Variants in PSMA7 observed in about 807,000 individuals in gnomAD.
PSMA7 encodes proteasome subunit alpha type-7.
A neutral mutation model predicts 31.3 loss-of-function variants in PSMA7; 5 were observed. The ratio of observed to expected loss-of-function variants is 0.16; its 90% CI spans 0.08 to 0.34. PSMA7 has a LOEUF of 0.34. Among genes scored for constraint, PSMA7 ranks in the 10% least tolerant of loss-of-function variants. PSMA7 has a pLI of 1.00. For synonymous variants in PSMA7, 155 were observed against 121.9 expected (o/e 1.27, Z -1.79); for missense variants, 217 against 327.5 (o/e 0.66, Z 2.60).
At position 62,136,793 on chromosome 20, in the gene PSMA7, A is replaced by C. The variant is rs577614007; in HGVS notation, c.*64T>G. 6.5e-7 allele frequency: 1 copy of C among 1,545,646 alleles called. No homozygotes were observed. Among genetic ancestry groups the C allele is most frequent in the African/African-American group, 1.4e-5 (1 of 71,826 alleles). On this transcript the variant is annotated 3_prime_UTR_variant, in exon 7 of 7. Coordinates refer to ENST00000370873, the MANE Select transcript of PSMA7 (RefSeq NM_002792.4). ...GTGAATAAATGGAATGGAAAGGCCT[A>C]CACATCGAGACTCATCCATGATTGA...
chr20:62,138,755 G>A (rs950688693), intron 4 of PSMA7, among the ~76,000 whole-genome samples: 6 of 152,048 alleles, frequency 3.9e-5, no homozygotes, highest in Non-Finnish European at 7.4e-5. Flanking sequence ...ACAGGGTTCT[G>A]CCATGTTGGC....
Position 62,139,789 on chromosome 20 carries a change from G to C in PSMA7, c.340C>G (p.Leu114Val), listed in dbSNP as rs999941767. The C allele has an allele frequency of 6.2e-7, 1 of 1,614,062 alleles. No homozygotes were observed. The highest frequency in any genetic ancestry group is 8.5e-7 in the Non-Finnish European group (1 of 1,180,040). Residue 114 changes from leucine (L) to valine (V), a missense_variant, in exon 3 of 7, where the codon CTG becomes GTG. Leu to Val is a conservative substitution (Grantham distance 32). Coordinates refer to ENST00000370873, the MANE Select transcript of PSMA7 (RefSeq NM_002792.4). ...AGCGGGCAGGCACCCACCTGCTTCA[G>C]ACTGGCGATGTAGCGGGTGATGTAC... ...VEYITRYIASLKQRYTQSNGR... is the reference protein window; with the variant it reads ...VEYITRYIASVKQRYTQSNGR...
At chr20:62,140,987 T>C (rs1424664352) in intron 1 of PSMA7, 43 bp from the exon 2 acceptor site, 8 of 1,610,548 alleles carry the variant, frequency 5.0e-6, no homozygotes, top group Non-Finnish European at 6.8e-6. Flanking sequence ...GTGATATGAG[T>C]GCTGGGTGCA....
chr20:62,142,073 G>C (rs1441129606), intron 1 of PSMA7, among the ~76,000 whole-genome samples: 1 of 152,198 alleles, frequency 6.6e-6, no homozygotes, highest in Non-Finnish European at 1.5e-5. Context: ...CTTACCACTG[G>C]AAAAGTCTCC....
At chr20:62,139,343 T>C in intron 3 of PSMA7, 146 bp from the exon 4 acceptor site, 3 of 1,032,704 alleles carry the variant, frequency 2.9e-6, no homozygotes, top group Non-Finnish European at 4.1e-6. Flanking sequence ...CATTAGCCAA[T>C]AGCTTTCAAC....
intron 6 of PSMA7, 106 bp from the exon 7 acceptor site, chr20:62,137,055 C>T (rs759252278): frequency 6.2e-6 from 9 of 1,451,324 alleles, no homozygotes; most frequent in Non-Finnish European, 8.4e-6. Context: ...CTCATACAGC[C>T]TCTTTGGAGA....
chr20:62,140,672 A>C, intron 2 of PSMA7, 146 bp downstream of exon 2: 1 of 1,104,522 alleles, frequency 9.1e-7, no homozygotes, highest in South Asian at 1.9e-5. Context: ...TAGCCAACTT[A>C]AAAGTCCAAA....
Position 62,143,268 on chromosome 20 carries a change from G to T in PSMA7, c.36C>A (p.Pro12=). ...ACTCCACTTGGAAGAGGTGGCCGTC[G>T]GGCGAGAAGACGGTGATGGCGCGGT... ...SYDRAITVFS[P]DGHLFQVEYA... The change falls in exon 1 of 7, where the codon CCC becomes CCA. Residue 12 remains proline, a synonymous_variant. Transcript: ENST00000370873. 6.8e-7 allele frequency: 1 copy of T among 1,478,410 alleles called. No homozygotes were observed. The allele number at this position is 1,478,410 out of a possible 1,614,324, so 91.6% of individuals were successfully genotyped here. A position where few individuals can be genotyped will look rare whatever the true frequency, so the allele number is the denominator to read the frequency against.
intron 4 of PSMA7, among the ~76,000 whole-genome samples, chr20:62,138,672 A>T (rs2056909578): frequency 6.7e-6 from 1 of 150,138 alleles, no homozygotes; most frequent in Non-Finnish European, 1.5e-5. Flanking sequence ...TTCCTGCCTC[A>T]GCCTCCTGAG....
At chr20:62,139,705 C>G in intron 3 of PSMA7, 76 bp downstream of exon 3, 1 of 1,609,326 alleles carries the variant, frequency 6.2e-7, no homozygotes, top group Non-Finnish European at 8.5e-7. Context: ...CCTGAAGTGA[C>G]ATGGCAGGAC....
chr20:62,140,786 A>G (rs939759109), intron 2 of PSMA7, 32 bp downstream of exon 2: 1 of 1,611,380 alleles, frequency 6.2e-7, no homozygotes, highest in East Asian at 2.2e-5. Flanking sequence ...GAGACTCTAG[A>G]GAGTAAGACA....
intron 5 of PSMA7, 27 bp downstream of exon 5, chr20:62,138,144 T>C (rs1175502196): frequency 6.8e-6 from 11 of 1,613,906 alleles, no homozygotes; most frequent in South Asian, 1.1e-5. Flanking sequence ...CTTCACCACC[T>C]TGCCTGGATT....
chr20:62,137,515 C>T, intron 5 of PSMA7, 89 bp from the exon 6 acceptor site: 1 of 1,233,078 alleles, frequency 8.1e-7, no homozygotes, highest in Non-Finnish European at 1.2e-6. Context: ...AGGTGTGTAC[C>T]CAAACCCAGC....
intron 2 of PSMA7, 79 bp downstream of exon 2, chr20:62,140,739 C>T: frequency 6.5e-7 from 1 of 1,535,306 alleles, no homozygotes; most frequent in Admixed American, 1.8e-5. Context: ...CAATAGCCCA[C>T]ACACCCAAGT....
intron 2 of PSMA7, 128 bp downstream of exon 2, chr20:62,140,690 C>A (rs2056922556): frequency 2.4e-6 from 3 of 1,236,900 alleles, no homozygotes; most frequent in Middle Eastern, 2.1e-4. Flanking sequence ...AAATCCAATT[C>A]TTTTAAATGA....
At position 62,138,294 on chromosome 20, in the gene PSMA7, A is replaced by G. The variant is rs750924371; in HGVS notation, c.472-4T>C. ...CACCCCGACCTATGGCATTGGCCTAAAACAGACACGTATGTTCTCACGTGG... is the reference window on the plus strand; with the variant it reads ...CACCCCGACCTATGGCATTGGCCTAGAACAGACACGTATGTTCTCACGTGG... On this transcript the variant is annotated splice_polypyrimidine_tract_variant and splice_region_variant and intron_variant, in intron 4 of 6. Transcript: ENST00000370873. 16 of 1,603,138 alleles carry G rather than the reference A, an allele frequency of 1.0e-5. No homozygotes were observed. The African/African-American group carries it at 2.0e-4, about 20-fold the overall frequency.
At chr20:62,140,621 T>TTG (rs1555816962) in intron 2 of PSMA7, among the ~76,000 whole-genome samples, 197 bp downstream of exon 2, 4 of 152,056 alleles carry the variant, frequency 2.6e-5, no homozygotes, top group African/African-American at 4.8e-5. Context: ...ATTTAGCCAT[T>TTG]TGTTTCACCT....
intron 2 of PSMA7, among the ~76,000 whole-genome samples, chr20:62,140,317 G>C (rs564343095): frequency 2.0e-5 from 3 of 152,194 alleles, no homozygotes; most frequent in Non-Finnish European, 4.4e-5. Context: ...GGGAATCTTA[G>C]AAATTGAGTT....
chr20:62,140,731 A>G (rs1179832822), intron 2 of PSMA7, 87 bp downstream of exon 2: 6 of 1,499,744 alleles, frequency 4.0e-6, no homozygotes, highest in South Asian at 1.2e-5. Context: ...ATGGCTCACA[A>G]TAGCCCACAC....
Sources: gnomAD v4.1 joint callset for allele counts (sites outside exome capture counted in the v4.1 genomes callset) on GRCh38, gnomAD v4.1.1 for gene constraint, MANE v1.5 for transcripts, NCBI Gene and HGNC (gene_info 2026-07-23, HGNC 2026-07-21) for gene names.